The following POMP variants were observed in gnomAD, a reference collection of about 807,000 sequenced individuals.
The protein encoded by POMP is proteasome maturation protein, also known as 2510048O06Rik.
Under a neutral mutation model 20.6 loss-of-function variants are expected in POMP, and 12 were observed. That is an observed-to-expected ratio of 0.58 (90% CI 0.37 to 0.94). The LOEUF (loss-of-function observed/expected upper bound fraction) is 0.94, where lower values mean the gene tolerates loss of function less well. Ranked by LOEUF, POMP falls within the 40% of genes least tolerant of loss-of-function variation. POMP has a pLI of 0.01. For missense variants in POMP, 136 were observed against 161.1 expected (o/e 0.84, Z 0.84); for synonymous variants, 53 against 55.0 (o/e 0.96, Z 0.16).
chr13:28,669,970 C>T (rs113673888), intron 4 of POMP, among the ~76,000 whole-genome samples: 5,869 of 152,110 alleles, frequency 0.039, 353 homozygotes, highest in African/African-American at 0.13. Context: ...ATGTGCCAGC[C>T]GTGGTGGTGC....
chr13:28,665,890 AAC>A (rs1400612858), intron 3 of POMP, among the ~76,000 whole-genome samples: 7 of 152,154 alleles, frequency 4.6e-5, no homozygotes, highest in Admixed American at 4.6e-4. Context: ...GTACCCAGAG[AAC>A]GGTGATTAGG....
rs541419584 is a variant in POMP, at chr13:28,678,431, G to A, written c.*329G>A. The A allele has an allele frequency of 3.5e-6, 1 of 286,604 alleles. No individual in the cohort carries two copies. Among genetic ancestry groups the A allele is most frequent in the East Asian group, 8.5e-5 (1 of 11,770 alleles). 17.8% of individuals were successfully genotyped at this position (286,604 alleles called of 1,614,324 possible). A position where few individuals can be genotyped will look rare whatever the true frequency, so the allele number is the denominator to read the frequency against. ...TTTTTGTAAATTTAGTTTTGATTAA[G>A]CATTATAAGCATTTGAGTCTATAAA... is the stretch of plus-strand genomic sequence containing the variant. On this transcript the variant is annotated 3_prime_UTR_variant, in exon 6 of 6. Coordinates refer to ENST00000380842, the MANE Select transcript of POMP (RefSeq NM_015932.6).
Position 28,672,346 on chromosome 13 carries a change from G to A in POMP, c.272G>A (p.Arg91His), listed in dbSNP as rs765987940. ...MEFKAVQQVQ[R>H]LPFLSSSNLS... Reference sequence around the variant, plus strand: ...TCATACTTTTCCCCAAAGGTTCAGCGTCTTCCATTTCTTTCAAGCTCAAAT... The same window carrying A: ...TCATACTTTTCCCCAAAGGTTCAGCATCTTCCATTTCTTTCAAGCTCAAAT... Residue 91 changes from arginine (R) to histidine (H), a missense_variant, in exon 5 of 6, where the codon CGT becomes CAT. Physicochemically the swap from Arg to His is conservative, Grantham distance 29. Transcript: ENST00000380842. The A allele has an allele frequency of 2.1e-5, 34 of 1,606,314 alleles. No individual in the cohort carries two copies. Among genetic ancestry groups the A allele is most frequent in the Non-Finnish European group, 2.7e-5 (32 of 1,173,234 alleles).
chr13:28,660,747 C>G lies in POMP; in HGVS notation c.3+1560C>G, dbSNP rs1566106016. Among the ~76,000 whole-genome samples, 3 of 152,258 alleles carry G rather than the reference C, an allele frequency of 2.0e-5. No homozygotes were observed. The East Asian group carries it at 5.8e-4, about 29-fold the overall frequency. ...CTTCTTGTATGTAGGGGAGTTGGAA[C>G]CTATTATGCAGGTTCTTTAGGTCCA... is the stretch of plus-strand genomic sequence containing the variant. On this transcript the variant is annotated intron_variant, in intron 1 of 5. Transcript: ENST00000380842.
chr13:28,668,242 GA>G (rs1884480694), intron 3 of POMP, among the ~76,000 whole-genome samples: 1 of 151,940 alleles, frequency 6.6e-6, no homozygotes, highest in Non-Finnish European at 1.5e-5. Flanking sequence ...TATAAATTTG[GA>G]ATTTTGGTAG....
chr13:28,677,995 T>G, intron 5 of POMP, 40 bp from the exon 6 acceptor site: 1 of 1,584,608 alleles, frequency 6.3e-7, no homozygotes, highest in Non-Finnish European at 8.7e-7. Context: ...TATCTCTTTT[T>G]TGAGAGTCTT....
chr13:28,677,951 T>C (rs946191860), intron 5 of POMP, 84 bp from the exon 6 acceptor site: 1 of 1,414,846 alleles, frequency 7.1e-7, no homozygotes, highest in African/African-American at 1.4e-5. Context: ...GTTTTGACTC[T>C]TCTGGATTCT....
chr13:28,665,050 T>C (rs1792097), intron 3 of POMP, among the ~76,000 whole-genome samples: 1 of 152,086 alleles, frequency 6.6e-6, no homozygotes, highest in Non-Finnish European at 1.5e-5. Context: ...AGGAGAAGGC[T>C]TCGTAAAATG....
At chr13:28,660,226 TG>T (rs1884309870) in intron 1 of POMP, among the ~76,000 whole-genome samples, 1 of 152,238 alleles carries the variant, frequency 6.6e-6, no homozygotes, top group South Asian at 2.1e-4. Flanking sequence ...ACATCTCTGC[TG>T]AAGGTCCCCA....
At chr13:28,672,463 C>G (rs1223146084) in intron 5 of POMP, 31 bp downstream of exon 5, 1 of 1,495,508 alleles carries the variant, frequency 6.7e-7, no homozygotes, top group South Asian at 1.1e-5. Flanking sequence ...TTTTATGGAG[C>G]CCTTGTAATT....
At chr13:28,662,774 T>G (rs953612985) in intron 2 of POMP, among the ~76,000 whole-genome samples, 2 of 152,228 alleles carry the variant, frequency 1.3e-5, no homozygotes, top group Admixed American at 6.5e-5. Context: ...ATTTATTTTT[T>G]TGCTACTGAT....
chr13:28,670,034 T>G (rs1057342689), intron 4 of POMP, among the ~76,000 whole-genome samples: 7 of 152,142 alleles, frequency 4.6e-5, no homozygotes, highest in African/African-American at 1.7e-4. Flanking sequence ...CATTTGAGCC[T>G]GGGAGTCGGA....
At position 28,678,156 on chromosome 13, in the gene POMP, T is replaced by G. The variant is rs958725356; in HGVS notation, c.*54T>G. 2.1e-5 allele frequency: 31 copies of G among 1,503,254 alleles called. No homozygotes were observed. Among genetic ancestry groups the G allele is most frequent in the Non-Finnish European group, 2.5e-5 (27 of 1,079,660 alleles). 93.1% of individuals were successfully genotyped at this position (1,503,254 alleles called of 1,614,324 possible). A position where few individuals can be genotyped will look rare whatever the true frequency, so the allele number is the denominator to read the frequency against. On this transcript the variant is annotated 3_prime_UTR_variant, in exon 6 of 6. Coordinates refer to ENST00000380842, the MANE Select transcript of POMP (RefSeq NM_015932.6). Reference sequence around the variant, plus strand: ...TGCATCTTGTTTATAGTCATCTTTGTACTGTAATTTGATGTACACAACATT... The same window carrying G: ...TGCATCTTGTTTATAGTCATCTTTGGACTGTAATTTGATGTACACAACATT...
intron 4 of POMP, among the ~76,000 whole-genome samples, chr13:28,670,230 A>C (rs1884523508): frequency 6.6e-6 from 1 of 152,200 alleles, no homozygotes; most frequent in African/African-American, 2.4e-5. Context: ...TTACATGGAC[A>C]AGTACAGAAT....
intron 4 of POMP, among the ~76,000 whole-genome samples, chr13:28,669,319 G>A (rs1051883097): frequency 1.3e-5 from 2 of 152,056 alleles, no homozygotes; most frequent in South Asian, 4.1e-4. Context: ...TCATCTCCCT[G>A]TAGTATTTGA....
At chr13:28,676,274 G>A (rs1009074319) in intron 5 of POMP, among the ~76,000 whole-genome samples, 2 of 152,108 alleles carry the variant, frequency 1.3e-5, no homozygotes, top group African/African-American at 4.8e-5. Context: ...AAAGTGCTGG[G>A]ATTACAAGCG....
chr13:28,677,313 C>G (rs140135785), intron 5 of POMP, among the ~76,000 whole-genome samples: 219 of 152,076 alleles, frequency 1.4e-3, no homozygotes, highest in African/African-American at 4.9e-3. Flanking sequence ...CTGAACTGTT[C>G]CTCTTGGTAG....
At chr13:28,675,663 C>T (rs1167723803) in intron 5 of POMP, among the ~76,000 whole-genome samples, 1 of 152,184 alleles carries the variant, frequency 6.6e-6, no homozygotes, top group Non-Finnish European at 1.5e-5. Flanking sequence ...TACTGTTAGT[C>T]TGTTCTTGCA....
intron 2 of POMP, among the ~76,000 whole-genome samples, chr13:28,663,288 A>T (rs1446028355): frequency 2.0e-5 from 3 of 152,042 alleles, no homozygotes; most frequent in Non-Finnish European, 2.9e-5. Context: ...TCTAATTTTA[A>T]AGTATTTACT....
Sources: allele counts gnomAD v4.1 joint callset (sites outside exome capture counted in the v4.1 genomes callset), GRCh38; gene constraint gnomAD v4.1.1; transcripts MANE v1.5; gene names NCBI Gene and HGNC (gene_info 2026-07-23, HGNC 2026-07-21).